Variants in ZNRF3 observed in about 807,000 individuals in gnomAD.
ZNRF3 encodes the protein E3 ubiquitin-protein ligase ZNRF3.
Under a neutral mutation model 72.5 loss-of-function variants are expected in ZNRF3, and 23 were observed. The observed-to-expected ratio is 0.32, with a 90% CI of 0.23 to 0.45. The LOEUF (loss-of-function observed/expected upper bound fraction) is 0.45, where lower values mean the gene tolerates loss of function less well. Among genes scored for constraint, ZNRF3 ranks in the 20% least tolerant of loss-of-function variants. The pLI is 1.00. For synonymous variants in ZNRF3, 610 were observed against 545.3 expected, an observed-to-expected ratio of 1.12 and a Z score of -1.65; for missense variants, 1,169 against 1,272.1, an observed-to-expected ratio of 0.92 and a Z score of 1.23.
At chr22:29,002,563 T>TA (rs2036167433) in intron 2 of ZNRF3, among the ~76,000 whole-genome samples, 1 of 152,214 alleles carries the variant, frequency 6.6e-6, no homozygotes. Flanking sequence ...GTTAAAGATC[T>TA]AAAAAATGTT....
At position 29,050,001 on chromosome 22, in the gene ZNRF3, C is replaced by T. The variant is rs2037160205; in HGVS notation, c.1820C>T (p.Ala607Val). 3.1e-6 allele frequency: 5 copies of T among 1,611,820 alleles called. No homozygotes were observed. In the South Asian group the frequency reaches 4.4e-5, roughly 14 times the overall value. ...TACCGCAGCCGGAGCCCCTGTCGTG[C>T]CAGTGAGGCGGGGGGCTCGGGCAGC... ...FIYRSRSPCRASEAGGSGSSG... is the reference protein window; with the variant it reads ...FIYRSRSPCRVSEAGGSGSSG... Residue 607 changes from alanine to valine, a missense_variant, in exon 8 of 9, where the codon GCC (alanine) becomes GTC (valine). Physicochemically the swap from Ala to Val is moderately conservative, Grantham distance 64. Transcript: ENST00000544604.
At chr22:29,037,229 G>A (rs999996803) in intron 2 of ZNRF3, among the ~76,000 whole-genome samples, 1 of 152,146 alleles carries the variant, frequency 6.6e-6, no homozygotes, top group African/African-American at 2.4e-5. Context: ...GTAGGTCCAA[G>A]CCCCAAACCA....
intron 6 of ZNRF3, among the ~76,000 whole-genome samples, chr22:29,047,350 T>G (rs762678670): frequency 6.6e-6 from 1 of 152,210 alleles, no homozygotes; most frequent in Non-Finnish European, 1.5e-5. Context: ...TTTGCCACAT[T>G]TGCTCACTCT....
At chr22:28,950,099 G>A (rs1382172272) in intron 1 of ZNRF3, among the ~76,000 whole-genome samples, 1 of 152,130 alleles carries the variant, frequency 6.6e-6, no homozygotes, top group Non-Finnish European at 1.5e-5. Flanking sequence ...AGTGCAGTTT[G>A]GTGTCACTGC....
chr22:29,050,293 C>A lies in ZNRF3; in HGVS notation c.2112C>A (p.Gly704=), dbSNP rs369581079. 8.1e-6 allele frequency: 13 copies of A among 1,597,478 alleles called. No individual in the cohort carries two copies. The highest frequency in any genetic ancestry group is 1.1e-5 in the Non-Finnish European group (13 of 1,178,024). ...ACCTCAGGAGGACCTGGAAGGGGGGCCACGAGTTGCCGTCGTGTGCCTGCT... is the reference window on the plus strand; with the variant it reads ...ACCTCAGGAGGACCTGGAAGGGGGGACACGAGTTGCCGTCGTGTGCCTGCT... ...APDLRRTWKG[G]HELPSCACCC... is the part of the protein sequence containing the mutation. The change falls in exon 8 of 9, where the codon GGC becomes GGA. Residue 704 remains glycine (G), a synonymous_variant. Coordinates refer to ENST00000544604, the MANE Select transcript of ZNRF3 (RefSeq NM_001206998.2).
chr22:28,893,745 G>T (rs1246683168), intron 1 of ZNRF3, among the ~76,000 whole-genome samples: 1 of 152,134 alleles, frequency 6.6e-6, no homozygotes, highest in Non-Finnish European at 1.5e-5. Flanking sequence ...CAATTCACCC[G>T]CCTTGGCCTC....
chr22:29,020,759 G>GTTT (rs762825720), intron 2 of ZNRF3, among the ~76,000 whole-genome samples: 2 of 140,134 alleles, frequency 1.4e-5, no homozygotes, highest in South Asian at 2.3e-4. Flanking sequence ...GAGGGGCTTT[G>GTTT]TTTTTGTGTG....
intron 1 of ZNRF3, among the ~76,000 whole-genome samples, chr22:28,983,539 G>A (rs544938291): frequency 4.6e-5 from 7 of 151,958 alleles, no homozygotes; most frequent in Non-Finnish European, 1.0e-4. Context: ...TCTTCTCCCC[G>A]TCCTCCACAT....
At chr22:28,889,496 T>C (rs1269872485) in intron 1 of ZNRF3, among the ~76,000 whole-genome samples, 1 of 152,152 alleles carries the variant, frequency 6.6e-6, no homozygotes, top group Non-Finnish European at 1.5e-5. Flanking sequence ...ATTGAACATA[T>C]TTATTTTGTA....
intron 1 of ZNRF3, among the ~76,000 whole-genome samples, chr22:28,951,412 C>T (rs552245475): frequency 1.3e-5 from 2 of 152,164 alleles, no homozygotes; most frequent in South Asian, 2.1e-4. Flanking sequence ...ACACCAGGAA[C>T]GTGCCAAGTG....
chr22:28,945,893 A>G (rs973781928), intron 1 of ZNRF3, among the ~76,000 whole-genome samples: 2 of 152,156 alleles, frequency 1.3e-5, no homozygotes, highest in Non-Finnish European at 2.9e-5. Flanking sequence ...TCTATCCACA[A>G]TCTGTCTCTT....
At chr22:28,950,655 CAT>C (rs1412208703) in intron 1 of ZNRF3, among the ~76,000 whole-genome samples, 1 of 152,192 alleles carries the variant, frequency 6.6e-6, no homozygotes. Flanking sequence ...GGCCTTCCTC[CAT>C]ATCTCTGTTT....
intron 1 of ZNRF3, among the ~76,000 whole-genome samples, chr22:28,884,572 T>A (rs1041400693): frequency 6.6e-6 from 1 of 152,188 alleles, no homozygotes; most frequent in Non-Finnish European, 1.5e-5. Flanking sequence ...TGGGCGCCGG[T>A]GACCCTTCTG....
At chr22:28,949,902 C>T (rs5752839) in intron 1 of ZNRF3, among the ~76,000 whole-genome samples, 10,220 of 152,144 alleles carry the variant, frequency 0.067, 461 homozygotes, top group East Asian at 0.12. Context: ...GAGGCAACCA[C>T]TGTGCTTTGG....
At chr22:29,035,703 G>C (rs1243967121) in intron 2 of ZNRF3, among the ~76,000 whole-genome samples, 2 of 152,198 alleles carry the variant, frequency 1.3e-5, no homozygotes, top group Admixed American at 1.3e-4. Context: ...AGCCTCCTGA[G>C]TAGCTGGGAC....
chr22:28,885,355 G>T (rs1004779661), intron 1 of ZNRF3, among the ~76,000 whole-genome samples: 1 of 152,096 alleles, frequency 6.6e-6, no homozygotes. Flanking sequence ...ATCCCCATCC[G>T]AAAACTTCTG....
Position 29,049,653 on chromosome 22 carries a change from C to T in ZNRF3, c.1472C>T (p.Ala491Val). Residue 491 changes from alanine (A) to valine (V), a missense_variant, in exon 8 of 9, where the codon GCA becomes GTA. Coordinates refer to ENST00000544604, the MANE Select transcript of ZNRF3 (RefSeq NM_001206998.2). This position sits in a 1 kb window ranked among gnomAD's most constrained non-coding sequence, Gnocchi z 5.2. ...GAGGGGCAGTCCCCACCTAGCCTCG[C>T]ACCCCGGGGCCCGGCCCGTGCCTTT... Reference protein sequence around the residue: ...EQEGQSPPSLAPRGPARAFPP... With the variant: ...EQEGQSPPSLVPRGPARAFPP... The T allele has an allele frequency of 6.2e-7, 1 of 1,609,948 alleles. No individual in the cohort carries two copies. Among genetic ancestry groups the T allele is most frequent in the South Asian group, 1.1e-5 (1 of 90,918 alleles).
chr22:28,980,791 C>T (rs2035751063), intron 1 of ZNRF3, among the ~76,000 whole-genome samples: 1 of 152,178 alleles, frequency 6.6e-6, no homozygotes, highest in Non-Finnish European at 1.5e-5. Flanking sequence ...CCATCCTTCC[C>T]CTTAGTATTC....
chr22:28,973,866 A>G (rs2035619887), intron 1 of ZNRF3, among the ~76,000 whole-genome samples: 1 of 152,204 alleles, frequency 6.6e-6, no homozygotes, highest in African/African-American at 2.4e-5. Flanking sequence ...AAGGTTACAA[A>G]AAACCAATAC....
Sources: allele counts gnomAD v4.1 joint callset (sites outside exome capture counted in the v4.1 genomes callset), GRCh38; gene constraint gnomAD v4.1.1; non-coding constraint Gnocchi (gnomAD v3.1); transcripts MANE v1.5; gene names NCBI Gene and HGNC (gene_info 2026-07-23, HGNC 2026-07-21).